SPOCK1: variants seen among roughly 807,000 people sequenced by gnomAD.
SPOCK1 encodes the protein testican-1.
In SPOCK1, 23 loss-of-function variants were observed where a neutral mutation model predicts 55.3. That is an observed-to-expected ratio of 0.42 (90% CI 0.30 to 0.59). The LOEUF is 0.59. SPOCK1 is among the 20% of genes least tolerant of loss of function. The pLI is 0.22. For missense variants in SPOCK1, 499 were observed against 552.5 expected, an observed-to-expected ratio of 0.90 and a Z score of 0.97; for synonymous variants, 226 against 221.0, an observed-to-expected ratio of 1.02 and a Z score of -0.20.
chr5:137,119,461 GGAAGAGCAT>G (rs1187733993), intron 4 of SPOCK1, among the ~76,000 whole-genome samples: 1 of 152,210 alleles, frequency 6.6e-6, no homozygotes, highest in Non-Finnish European at 1.5e-5. Flanking sequence ...AAATTACACA[GGAAGAGCAT>G]AATGGCCTGT....
At chr5:137,425,526 C>CACAATATA (rs1474138601) in intron 2 of SPOCK1, among the ~76,000 whole-genome samples, 1 of 152,054 alleles carries the variant, frequency 6.6e-6, no homozygotes, top group Non-Finnish European at 1.5e-5. Flanking sequence ...GTTGCTGAAT[C>CACAATATA]ACAATATAAC....
intron 2 of SPOCK1, among the ~76,000 whole-genome samples, chr5:137,404,637 C>G (rs1752056988): frequency 6.8e-6 from 1 of 148,086 alleles, no homozygotes; most frequent in African/African-American, 2.5e-5. Flanking sequence ...CTAGGCTGGT[C>G]TCGAACTCCT....
chr5:136,987,208 G>T (rs1410025163), intron 8 of SPOCK1, among the ~76,000 whole-genome samples: 1 of 151,954 alleles, frequency 6.6e-6, no homozygotes, highest in Non-Finnish European at 1.5e-5. Context: ...TGGCTTCTTA[G>T]AAGCCATAAA....
chr5:137,175,150 G>A (rs1262416550), intron 3 of SPOCK1, among the ~76,000 whole-genome samples: 1 of 152,202 alleles, frequency 6.6e-6, no homozygotes, highest in Non-Finnish European at 1.5e-5. Context: ...GAGTTATGAA[G>A]AGGGAGAAAT....
At chr5:137,195,433 T>C (rs973078231) in intron 3 of SPOCK1, among the ~76,000 whole-genome samples, 1 of 152,252 alleles carries the variant, frequency 6.6e-6, no homozygotes, top group Non-Finnish European at 1.5e-5. Context: ...CATTAATTGT[T>C]TTTTGAAGAT....
rs556460854 is a variant in SPOCK1, at chr5:137,494,429, A to C, written c.186+3944T>G. Among the ~76,000 whole-genome samples the C allele has an allele frequency of 7.2e-5, 11 of 152,256 alleles. No individual in the cohort carries two copies. The South Asian group carries it at 2.1e-3, about 29-fold the overall frequency. ...GCATAGTTCCAGCCCCAGCTCCTCCACATCTCAGCTCTAATTTTGATCAAA... is the reference window on the plus strand; with the variant it reads ...GCATAGTTCCAGCCCCAGCTCCTCCCCATCTCAGCTCTAATTTTGATCAAA... On this transcript the variant is annotated intron_variant, in intron 2 of 10. Coordinates refer to ENST00000394945, the MANE Select transcript of SPOCK1 (RefSeq NM_004598.4).
At chr5:137,353,041 C>G (rs1057029418) in intron 2 of SPOCK1, among the ~76,000 whole-genome samples, 10 of 152,300 alleles carry the variant, frequency 6.6e-5, no homozygotes, top group African/African-American at 2.2e-4. Flanking sequence ...AGCTGACAAA[C>G]TGAAAGAAGA....
intron 2 of SPOCK1, among the ~76,000 whole-genome samples, chr5:137,323,395 T>G (rs1489319295): frequency 6.6e-6 from 1 of 152,108 alleles, no homozygotes; most frequent in Non-Finnish European, 1.5e-5. Flanking sequence ...CAAAATAGAC[T>G]TTAAGTCAAA....
At chr5:137,056,547 C>T (rs1044255362) in intron 6 of SPOCK1, among the ~76,000 whole-genome samples, 8 of 151,948 alleles carry the variant, frequency 5.3e-5, no homozygotes. Flanking sequence ...TGTAATACTT[C>T]TCAGGGGTAG....
intron 2 of SPOCK1, among the ~76,000 whole-genome samples, chr5:137,370,914 T>C (rs1751188069): frequency 6.6e-6 from 1 of 152,210 alleles, no homozygotes; most frequent in Admixed American, 6.5e-5. Flanking sequence ...AATCTGCCTG[T>C]CTGACACAAA....
intron 4 of SPOCK1, among the ~76,000 whole-genome samples, chr5:137,132,795 T>C (rs1055375726): frequency 2.0e-5 from 3 of 152,098 alleles, no homozygotes; most frequent in African/African-American, 7.2e-5. Context: ...TTTTTTGTTG[T>C]TTTTTGTTGT....
intron 3 of SPOCK1, among the ~76,000 whole-genome samples, chr5:137,220,790 A>T (rs149761180): frequency 6.6e-6 from 1 of 152,334 alleles, no homozygotes; most frequent in East Asian, 1.9e-4. Context: ...GTGAGTGAAT[A>T]AGTGAAGGTT....
intron 5 of SPOCK1, among the ~76,000 whole-genome samples, chr5:137,068,090 A>G (rs1374044033): frequency 6.6e-6 from 1 of 152,116 alleles, no homozygotes; most frequent in Non-Finnish European, 1.5e-5. Context: ...TACTGTCACT[A>G]TTTCTAAAAT....
intron 6 of SPOCK1, among the ~76,000 whole-genome samples, chr5:137,018,812 A>G (rs1372609095): frequency 1.3e-5 from 2 of 152,234 alleles, no homozygotes; most frequent in Non-Finnish European, 2.9e-5. Context: ...TAACTAAGTT[A>G]CTATAAATGA....
intron 8 of SPOCK1, among the ~76,000 whole-genome samples, chr5:136,985,863 A>C (rs914478479): frequency 3.3e-5 from 5 of 152,186 alleles, no homozygotes; most frequent in African/African-American, 1.2e-4. Flanking sequence ...GACCTCATTC[A>C]TTCTTCAGAG....
intron 2 of SPOCK1, among the ~76,000 whole-genome samples, chr5:137,446,637 C>T (rs946111041): frequency 1.3e-5 from 2 of 152,114 alleles, no homozygotes; most frequent in African/African-American, 2.4e-5. Context: ...AAACTAGAAA[C>T]GCGATGATTC....
At chr5:137,182,161 C>G (rs559962854) in intron 3 of SPOCK1, among the ~76,000 whole-genome samples, 1 of 152,284 alleles carries the variant, frequency 6.6e-6, no homozygotes, top group African/African-American at 2.4e-5. Context: ...ACCATCAATT[C>G]TGGAATAAAG....
chr5:137,164,767 C>T (rs1348113998), intron 3 of SPOCK1, among the ~76,000 whole-genome samples: 3 of 152,120 alleles, frequency 2.0e-5, no homozygotes, highest in East Asian at 1.9e-4. Context: ...GGAACATCAA[C>T]GGTAGCCTGG....
chr5:137,397,243 G>A (rs974126330), intron 2 of SPOCK1, among the ~76,000 whole-genome samples: 1 of 152,148 alleles, frequency 6.6e-6, no homozygotes, highest in African/African-American at 2.4e-5. Context: ...ATCCCACCTA[G>A]CAAGGGCTGG....
Sources: gnomAD v4.1 joint callset for allele counts (sites outside exome capture counted in the v4.1 genomes callset) on GRCh38, gnomAD v4.1.1 for gene constraint, MANE v1.5 for transcripts, NCBI Gene and HGNC (gene_info 2026-07-23, HGNC 2026-07-21) for gene names.